The following EXOC5 variants were observed in gnomAD, a reference collection of about 807,000 sequenced individuals.
EXOC5 encodes the protein SEC10-like 1.
Under a neutral mutation model 90.8 loss-of-function variants are expected in EXOC5, and 17 were observed. The observed-to-expected ratio is 0.19, with a 90% CI of 0.13 to 0.28. The LOEUF (loss-of-function observed/expected upper bound fraction) is 0.28. Among genes scored for constraint, EXOC5 ranks in the 10% least tolerant of loss-of-function variants. The probability of loss-of-function intolerance (pLI) is 1.00; values close to 1 mark genes in which losing one functional copy is unlikely to be tolerated. For missense variants in EXOC5, 569 were observed against 830.6 expected, an observed-to-expected ratio of 0.69 and a Z score of 3.87; for synonymous variants, 260 against 270.0, an observed-to-expected ratio of 0.96 and a Z score of 0.36.
At chr14:57,242,495 T>G (rs368994481) in intron 4 of EXOC5, among the ~76,000 whole-genome samples, 1 of 152,028 alleles carries the variant, frequency 6.6e-6, no homozygotes, top group East Asian at 1.9e-4. Flanking sequence ...CATCCTGCCT[T>G]GGCCTCCTAA....
chr14:57,213,666 A>T (rs561830161), intron 15 of EXOC5, among the ~76,000 whole-genome samples: 68 of 151,646 alleles, frequency 4.5e-4, no homozygotes, highest in Non-Finnish European at 9.1e-4. Context: ...CACAAAAAAA[A>T]TTTTTTTTTA....
Position 57,204,133 on chromosome 14 carries a change from T to C in EXOC5, c.*4476A>G, listed in dbSNP as rs1329686195. 6.6e-6 allele frequency: 1 copy of C among 152,162 alleles called. No individual in the cohort carries two copies. Among genetic ancestry groups the C allele is most frequent in the African/African-American group, 2.4e-5 (1 of 41,456 alleles). 9.4% of individuals were successfully genotyped at this position (152,162 alleles called of 1,614,324 possible). A position where few individuals can be genotyped will look rare whatever the true frequency, so the allele number is the denominator to read the frequency against. ...ACTCATCTTTCCCCCCAAAAGTCGATAATCACAAAACAAAGGTTAATGGTA... is the reference window on the plus strand; with the variant it reads ...ACTCATCTTTCCCCCCAAAAGTCGACAATCACAAAACAAAGGTTAATGGTA... On this transcript the variant is annotated 3_prime_UTR_variant, in exon 18 of 18. Transcript: ENST00000621441.
At position 57,203,034 on chromosome 14, in the gene EXOC5, T is replaced by C. The variant is rs1882550361; in HGVS notation, c.*5575A>G. 6.6e-6 allele frequency: 1 copy of C among 152,202 alleles called. No individual in the cohort carries two copies. The highest frequency in any genetic ancestry group is 2.4e-5 in the African/African-American group (1 of 41,450). The allele number at this position is 152,202 out of a possible 1,614,324, so 9.4% of individuals were successfully genotyped here. A position where few individuals can be genotyped will look rare whatever the true frequency, so the allele number is the denominator to read the frequency against. On this transcript the variant is annotated 3_prime_UTR_variant, in exon 18 of 18. Coordinates refer to ENST00000621441, the MANE Select transcript of EXOC5 (RefSeq NM_006544.4). ...TGGTACACAGTATTCACAAACAATATGCTTAGAGGTAGCTTCACAGTTTTC... is the reference window on the plus strand; with the variant it reads ...TGGTACACAGTATTCACAAACAATACGCTTAGAGGTAGCTTCACAGTTTTC...
chr14:57,221,279 A>G (rs8015967), intron 13 of EXOC5, among the ~76,000 whole-genome samples: 38,798 of 152,198 alleles, frequency 0.25, 12,087 homozygotes, highest in African/African-American at 0.75. Flanking sequence ...AGAGTGACTG[A>G]GCAGTGAGAA....
intron 5 of EXOC5, chr14:57,237,584 T>C (rs572212911): frequency 9.0e-5 from 39 of 434,834 alleles, no homozygotes; most frequent in African/African-American, 6.9e-4. Flanking sequence ...ATAGGAAGCA[T>C]GCCAGGTGAT....
intron 1 of EXOC5, among the ~76,000 whole-genome samples, chr14:57,266,504 T>C (rs1884672272): frequency 6.6e-6 from 1 of 152,262 alleles, no homozygotes; most frequent in African/African-American, 2.4e-5. Context: ...CTTTTAATTA[T>C]GATGAAGCAA....
intron 15 of EXOC5, among the ~76,000 whole-genome samples, chr14:57,211,107 T>C (rs536853352): frequency 2.0e-5 from 3 of 152,322 alleles, no homozygotes; most frequent in Non-Finnish European, 2.9e-5. Flanking sequence ...TAAACTGATA[T>C]GACTTATTGT....
rs528349978 is a variant in EXOC5 at position 57,204,165 on chromosome 14, A to C, written c.*4444T>G. ...AAAACAAAGGTTAATGGTACCTATC[A>C]AATAATAATGATAAAATACCTCGGG... is the stretch of plus-strand genomic sequence containing the variant. On this transcript the variant is annotated 3_prime_UTR_variant, in exon 18 of 18. Coordinates refer to ENST00000621441, the MANE Select transcript of EXOC5 (RefSeq NM_006544.4). 5 of 152,280 alleles carry C rather than the reference A, an allele frequency of 3.3e-5. No homozygotes were observed. The highest frequency in any genetic ancestry group is 1.2e-4 in the African/African-American group (5 of 41,572). The allele number at this position is 152,280 out of a possible 1,614,324, so 9.4% of individuals were successfully genotyped here. A position where few individuals can be genotyped will look rare whatever the true frequency, so the allele number is the denominator to read the frequency against.
chr14:57,265,686 C>A (rs1193837757), intron 1 of EXOC5, among the ~76,000 whole-genome samples: 3 of 152,208 alleles, frequency 2.0e-5, no homozygotes, highest in African/African-American at 7.2e-5. Context: ...GATTACCCAA[C>A]TGCACTCCAG....
chr14:57,262,563 T>TATATATATATAC (rs1245415228), intron 1 of EXOC5, among the ~76,000 whole-genome samples: 8 of 147,926 alleles, frequency 5.4e-5, no homozygotes, highest in African/African-American at 2.0e-4. Flanking sequence ...TGTGTGTGTG[T>TATATATATATAC]GTATATATAT....
At chr14:57,250,988 G>A (rs1884171492) in intron 1 of EXOC5, among the ~76,000 whole-genome samples, 2 of 152,306 alleles carry the variant, frequency 1.3e-5, no homozygotes, top group African/African-American at 2.4e-5. Context: ...GAGCATGGTT[G>A]TGTATCAATA....
intron 1 of EXOC5, among the ~76,000 whole-genome samples, chr14:57,262,422 T>G (rs1466908073): frequency 2.0e-5 from 3 of 151,836 alleles, no homozygotes; most frequent in African/African-American, 4.8e-5. Context: ...AAGTGATACT[T>G]CCTAAACTGC....
chr14:57,204,833 T>C lies in EXOC5; in HGVS notation c.*3776A>G, dbSNP rs1882601828. The C allele has an allele frequency of 1.3e-5, 2 of 152,548 alleles. No homozygotes were observed. Among genetic ancestry groups the C allele is most frequent in the East Asian group, 1.9e-4 (1 of 5,192 alleles). 9.4% of individuals were successfully genotyped at this position (152,548 alleles called of 1,614,324 possible). On this transcript the variant is annotated 3_prime_UTR_variant, in exon 18 of 18. Coordinates refer to ENST00000621441, the MANE Select transcript of EXOC5 (RefSeq NM_006544.4). Reference sequence around the variant, plus strand: ...GAAAAACACAACAGTAAATTAGATATTGACCCTGTATGCCAACTTTGTAAT... The same window carrying C: ...GAAAAACACAACAGTAAATTAGATACTGACCCTGTATGCCAACTTTGTAAT...
intron 4 of EXOC5, among the ~76,000 whole-genome samples, chr14:57,242,150 A>G (rs1038683246): frequency 4.0e-5 from 6 of 150,842 alleles, no homozygotes; most frequent in Admixed American, 3.3e-4. Flanking sequence ...AAAAAAAGAA[A>G]AAAAAGAAAA....
At chr14:57,233,698 C>A in intron 9 of EXOC5, 45 bp downstream of exon 9, 4 of 1,175,412 alleles carry the variant, frequency 3.4e-6, no homozygotes, top group Non-Finnish European at 4.8e-6. Flanking sequence ...GAAAAAATTA[C>A]ATATTGCTTT....
At position 57,207,254 on chromosome 14, in the gene EXOC5, G is replaced by A. The variant is rs1882684230; in HGVS notation, c.*1355C>T. ...TCAGAATAAGGTTCTCAGAAGAAAA[G>A]CAGTTTTCCAAAAATAGGCTAAAAA... On this transcript the variant is annotated 3_prime_UTR_variant, in exon 18 of 18. Transcript: ENST00000621441. 6.6e-6 allele frequency: 1 copy of A among 152,362 alleles called. No individual in the cohort carries two copies. The highest frequency in any genetic ancestry group is 6.6e-5 in the Admixed American group (1 of 15,230). The allele number at this position is 152,362 out of a possible 1,614,324, so 9.4% of individuals were successfully genotyped here.
chr14:57,206,009 C>T lies in EXOC5; in HGVS notation c.*2600G>A, dbSNP rs1372329500. Reference sequence around the variant, plus strand: ...CTGTCATTTTCAACATCATAATTTACATAAGGTAGGCTTCCTTTATTAAAT... The same window carrying T: ...CTGTCATTTTCAACATCATAATTTATATAAGGTAGGCTTCCTTTATTAAAT... On this transcript the variant is annotated 3_prime_UTR_variant, in exon 18 of 18. Transcript: ENST00000621441. The T allele has an allele frequency of 2.2e-5, 10 of 454,890 alleles. No homozygotes were observed. The highest frequency in any genetic ancestry group is 2.1e-4 in the Admixed American group (9 of 42,106). The allele number at this position is 454,890 out of a possible 1,614,324, so 28.2% of individuals were successfully genotyped here. A position where few individuals can be genotyped will look rare whatever the true frequency, so the allele number is the denominator to read the frequency against.
chr14:57,222,823 AG>A (rs1883193029), intron 12 of EXOC5, among the ~76,000 whole-genome samples: 1 of 151,568 alleles, frequency 6.6e-6, no homozygotes. Flanking sequence ...ATACATACAC[AG>A]GGCTAACATG....
chr14:57,231,642 T>A lies in EXOC5; in HGVS notation c.1012A>T (p.Ile338Phe), dbSNP rs1256831346. The A allele has an allele frequency of 1.2e-6, 2 of 1,613,286 alleles. No homozygotes were observed. Among genetic ancestry groups the A allele is most frequent in the Non-Finnish European group, 1.7e-6 (2 of 1,179,480 alleles). The change falls in exon 11 of 18, where the codon ATC becomes TTC. Residue 338 changes from isoleucine to phenylalanine, a missense_variant. Coordinates refer to ENST00000621441, the MANE Select transcript of EXOC5 (RefSeq NM_006544.4). Reference protein sequence around the residue: ...TDKQTFLSKLIKSIFISYLEN... With the variant: ...TDKQTFLSKLFKSIFISYLEN... ...AAATAGGAAATGAAAATGGATTTGA[T>A]AAGCTTAGACAAGAAAGTCTGTTTA...
Sources: allele counts gnomAD v4.1 joint callset (sites outside exome capture counted in the v4.1 genomes callset), GRCh38; gene constraint gnomAD v4.1.1; transcripts MANE v1.5; gene names NCBI Gene and HGNC (gene_info 2026-07-23, HGNC 2026-07-21).